Variants in NELL2 observed in about 807,000 individuals in gnomAD.
NELL2 encodes the protein protein kinase C-binding protein NELL2.
Under a neutral mutation model 109.6 loss-of-function variants are expected in NELL2, and 41 were observed. That is an observed-to-expected ratio of 0.37 (90% confidence interval 0.29 to 0.49). NELL2 has a LOEUF of 0.49. Among genes scored for constraint, NELL2 ranks in the 20% least tolerant of loss-of-function variants. The probability of loss-of-function intolerance (pLI) is 0.98; values close to 1 mark genes in which losing one functional copy is unlikely to be tolerated. For missense variants in NELL2, 900 were observed against 1,008.3 expected (o/e 0.89, Z 1.45); for synonymous variants, 355 against 344.7 (o/e 1.03, Z -0.33).
intron 15 of NELL2, 140 bp downstream of exon 15, chr12:44,607,029 C>T: frequency 1.6e-6 from 1 of 638,166 alleles, no homozygotes; most frequent in East Asian, 3.1e-5. Flanking sequence ...AACTTCCCAC[C>T]TCCTCCCTCC....
intron 3 of NELL2, among the ~76,000 whole-genome samples, chr12:44,784,715 G>C (rs1007545746): frequency 3.9e-5 from 6 of 152,144 alleles, no homozygotes; most frequent in Non-Finnish European, 5.9e-5. Flanking sequence ...GCGATGCAAG[G>C]CTGGTTCAAC....
At chr12:44,688,538 G>A (rs1458266326) in intron 12 of NELL2, among the ~76,000 whole-genome samples, 3 of 152,102 alleles carry the variant, frequency 2.0e-5, no homozygotes, top group Non-Finnish European at 2.9e-5. Flanking sequence ...TTTAATAGAC[G>A]AGGAGGCTGA....
chr12:44,719,629 T>TA (rs1938664805), intron 9 of NELL2, among the ~76,000 whole-genome samples: 1 of 152,160 alleles, frequency 6.6e-6, no homozygotes, highest in Admixed American at 6.5e-5. Flanking sequence ...TCATGGGACT[T>TA]ACAGTTTCTT....
chr12:44,778,834 TG>T (rs1327031745), intron 5 of NELL2, among the ~76,000 whole-genome samples: 3 of 152,238 alleles, frequency 2.0e-5, no homozygotes, highest in Non-Finnish European at 4.4e-5. Flanking sequence ...TCTGGTTTCC[TG>T]GTAACAGGCA....
At chr12:44,877,071 T>C (rs1282180756), upstream of NELL2, 6 of 199,676 alleles carry the variant, frequency 3.0e-5, no homozygotes, top group Non-Finnish European at 5.9e-5. Flanking sequence ...GGGACCAGCA[T>C]ACAGCAGAAG....
At chr12:44,705,828 C>G (rs1937846676) in intron 11 of NELL2, among the ~76,000 whole-genome samples, 1 of 152,178 alleles carries the variant, frequency 6.6e-6, no homozygotes, top group Non-Finnish European at 1.5e-5. Context: ...TTTGCCTGTA[C>G]TGTTTCAAAC....
At position 44,807,519 on chromosome 12, in the gene NELL2, G is replaced by A. The variant is rs182205991; in HGVS notation, c.335+8467C>T. On this transcript the variant is annotated intron_variant, in intron 3 of 19. Transcript: ENST00000429094. ...AGCTATAGACTCCTAAAATTTAGAC[G>A]TCAATGTTTTAAAAAATGGCAAAAG... Among the ~76,000 whole-genome samples the A allele has an allele frequency of 5.4e-3, 813 of 151,800 alleles. 7 individuals are homozygous for A. Among genetic ancestry groups the A allele is most frequent in the African/African-American group, 0.019 (768 of 41,452 alleles).
intron 13 of NELL2, among the ~76,000 whole-genome samples, chr12:44,646,512 G>GA (rs999910042): frequency 2.6e-4 from 40 of 152,264 alleles, no homozygotes; most frequent in African/African-American, 8.9e-4. Flanking sequence ...AGCATGGTAA[G>GA]AAATTAGTGA....
At chr12:44,514,935 AT>A (rs1941191466) in intron 19 of NELL2, among the ~76,000 whole-genome samples, 1 of 151,070 alleles carries the variant, frequency 6.6e-6, no homozygotes, top group African/African-American at 2.4e-5. Flanking sequence ...TTATAATATA[AT>A]AAGTTAATGA....
intron 13 of NELL2, among the ~76,000 whole-genome samples, chr12:44,629,106 C>T (rs1946364471): frequency 6.6e-6 from 1 of 152,062 alleles, no homozygotes; most frequent in African/African-American, 2.4e-5. Flanking sequence ...ATCCATTCCA[C>T]TGTATTAATT....
chr12:44,794,435 G>C (rs537223109), intron 3 of NELL2, among the ~76,000 whole-genome samples: 76 of 152,272 alleles, frequency 5.0e-4, no homozygotes, highest in African/African-American at 1.6e-3. Context: ...GCTTTCCTGA[G>C]ACAGAATCTG....
chr12:44,896,256 C>T (rs1945591456), intron 1 of NELL2, among the ~76,000 whole-genome samples: 1 of 151,874 alleles, frequency 6.6e-6, no homozygotes, highest in Non-Finnish European at 1.5e-5. Flanking sequence ...CTGGTGTAAG[C>T]TAATATGAAA....
chr12:44,687,839 T>C (rs1411142311), intron 12 of NELL2, among the ~76,000 whole-genome samples: 3 of 152,236 alleles, frequency 2.0e-5, no homozygotes, highest in Non-Finnish European at 4.4e-5. Context: ...ATGTGGTGTC[T>C]TATATGTTAC....
At chr12:44,588,744 A>G (rs74078481) in intron 15 of NELL2, among the ~76,000 whole-genome samples, 2,469 of 152,298 alleles carry the variant, frequency 0.016, 52 homozygotes, top group African/African-American at 0.057. Context: ...ATTTAAGTGT[A>G]CAATTCAGTG....
chr12:44,795,473 AAGATG>A (rs1172322982), intron 3 of NELL2, among the ~76,000 whole-genome samples: 1 of 152,204 alleles, frequency 6.6e-6, no homozygotes, highest in Non-Finnish European at 1.5e-5. Context: ...CACACTAAGC[AAGATG>A]CCTGAAACAT....
chr12:44,850,887 GA>G (rs1468652574), intron 2 of NELL2, among the ~76,000 whole-genome samples: 1 of 152,168 alleles, frequency 6.6e-6, no homozygotes, highest in African/African-American at 2.4e-5. Flanking sequence ...AAGATATCAG[GA>G]AGTATGAAGT....
chr12:44,825,850 A>C (rs1943695597), intron 2 of NELL2, among the ~76,000 whole-genome samples: 1 of 151,604 alleles, frequency 6.6e-6, no homozygotes, highest in Admixed American at 6.6e-5. Context: ...TTTCGAGACC[A>C]GCCTCAACAT....
chr12:44,590,221 ATATT>A lies in NELL2; in HGVS notation c.1663+16944_1663+16947del, dbSNP rs369989101. Among the ~76,000 whole-genome samples the A allele has an allele frequency of 8.1e-3, 1,227 of 152,054 alleles. 14 individuals are homozygous for A. Among genetic ancestry groups the A allele is most frequent in the Non-Finnish European group, 0.012 (840 of 67,970 alleles). The stretch of plus-strand genomic sequence containing the variant: ...ATATATTTTTATACTTAGTATATAT[ATATT>A]TATCATAGTTGCATTAATAATTATA... On this transcript the variant is annotated intron_variant, in intron 15 of 19. Coordinates refer to ENST00000429094, the MANE Select transcript of NELL2 (RefSeq NM_001145108.2).
chr12:44,772,576 C>T (rs999200133), intron 9 of NELL2, among the ~76,000 whole-genome samples: 4 of 152,120 alleles, frequency 2.6e-5, no homozygotes, highest in African/African-American at 9.7e-5. Context: ...ATATCTATGG[C>T]TGTTTACTGA....
Sources: gnomAD v4.1 joint callset for allele counts (sites outside exome capture counted in the v4.1 genomes callset) on GRCh38, gnomAD v4.1.1 for gene constraint, MANE v1.5 for transcripts, NCBI Gene and HGNC (gene_info 2026-07-23, HGNC 2026-07-21) for gene names.